The following P2RY2 variants were observed in gnomAD, a reference collection of about 807,000 sequenced individuals.
The protein encoded by P2RY2 is purinergic receptor P2Y2.
For missense variants in P2RY2, 567 were observed against 515.7 expected, an observed-to-expected ratio of 1.10 and a Z score of -0.96; for synonymous variants, 241 against 231.9, an observed-to-expected ratio of 1.04 and a Z score of -0.35.
chr11:73,235,330 G>A lies in P2RY2; in HGVS notation c.*37G>A. The A allele has an allele frequency of 6.6e-7, 1 of 1,517,160 alleles. No individual in the cohort carries two copies. The highest frequency in any genetic ancestry group is 1.3e-5 in the South Asian group (1 of 75,388). 94.0% of individuals were successfully genotyped at this position (1,517,160 alleles called of 1,614,324 possible). ...TTCAGCCTGTGCAGGTTTATATTGG[G>A]AAGCTGTAGAGGACCAGGACTTGTG... On this transcript the variant is annotated 3_prime_UTR_variant, in exon 3 of 3. Transcript: ENST00000393597.
In P2RY2 at chr11:73,236,499, A is replaced by G. The variant is rs996931956; in HGVS notation, c.*1206A>G. ...AGACTCCTGAGCTGTAGCTTCTGAG[A>G]AAAGCAGCTCACCGGAAGAACATCC... On this transcript the variant is annotated 3_prime_UTR_variant, in exon 3 of 3. Coordinates refer to ENST00000393597, the MANE Select transcript of P2RY2 (RefSeq NM_002564.4). 4 of 955,572 alleles carry G rather than the reference A, an allele frequency of 4.2e-6. No individual in the cohort carries two copies. Among genetic ancestry groups the G allele is most frequent in the Non-Finnish European group, 5.0e-6 (4 of 802,540 alleles). The allele number at this position is 955,572 out of a possible 1,614,324, so 59.2% of individuals were successfully genotyped here.
In P2RY2 at chr11:73,238,365, C is replaced by G. The variant is rs1275971576; in HGVS notation, c.*3072C>G. Reference sequence around the variant, plus strand: ...GGCAGGGTCCCTGGCACACAGGGGTCTCTGCCCTGGGTGGCAGGTGTCCCA... The same window carrying G: ...GGCAGGGTCCCTGGCACACAGGGGTGTCTGCCCTGGGTGGCAGGTGTCCCA... On this transcript the variant is annotated 3_prime_UTR_variant, in exon 3 of 3. Coordinates refer to ENST00000393597, the MANE Select transcript of P2RY2 (RefSeq NM_002564.4). Among the ~76,000 whole-genome samples, 1 of 152,212 alleles carries G rather than the reference C, an allele frequency of 6.6e-6. No homozygotes were observed. The highest frequency in any genetic ancestry group is 1.5e-5 in the Non-Finnish European group (1 of 68,028).
chr11:73,220,093 C>T (rs1385077757), intron 1 of P2RY2, among the ~76,000 whole-genome samples: 1 of 152,214 alleles, frequency 6.6e-6, no homozygotes, highest in Admixed American at 6.5e-5. Context: ...GCAGCAGTGG[C>T]GCCCATCCCC....
At chr11:73,218,858 T>C (rs889315391) in intron 1 of P2RY2, among the ~76,000 whole-genome samples, 2 of 152,018 alleles carry the variant, frequency 1.3e-5, no homozygotes, top group African/African-American at 4.8e-5. Context: ...GGAGACCCCC[T>C]ACCACTGTCC....
In P2RY2 at chr11:73,234,267, G is replaced by C. The variant is rs1435174532; in HGVS notation, c.108G>C (p.Leu36=). The C allele has an allele frequency of 6.2e-7, 1 of 1,614,198 alleles. No homozygotes were observed. The highest frequency in any genetic ancestry group is 1.1e-5 in the South Asian group (1 of 91,088). ...RFNEDFKYVL[L]PVSYGVVCVP... ...ACGAGGACTTCAAGTACGTGCTGCT[G>C]CCTGTGTCCTACGGCGTGGTGTGCG... Residue 36 remains leucine, a synonymous_variant, in exon 3 of 3, where the codon CTG becomes CTC. Transcript: ENST00000393597.
At position 73,235,525 on chromosome 11, in the gene P2RY2, GA is replaced by G. The variant is rs1862627582; in HGVS notation, c.*235del. ...ATAAGTTGGGGGAATTAAGTTTCAA[GA>G]AAGGCAAGAGCTCAAGGTCAATGAC... is the stretch of plus-strand genomic sequence containing the variant. On this transcript the variant is annotated 3_prime_UTR_variant, in exon 3 of 3. Transcript: ENST00000393597. 2 of 1,267,754 alleles carry G rather than the reference GA, an allele frequency of 1.6e-6. No homozygotes were observed. Among genetic ancestry groups the G allele is most frequent in the Non-Finnish European group, 2.0e-6 (2 of 1,000,598 alleles). The allele number at this position is 1,267,754 out of a possible 1,614,324, so 78.5% of individuals were successfully genotyped here.
chr11:73,232,223 C>T (rs1268397726), intron 2 of P2RY2, among the ~76,000 whole-genome samples: 1 of 152,110 alleles, frequency 6.6e-6, no homozygotes, highest in Non-Finnish European at 1.5e-5. Context: ...TTGCATACTC[C>T]CATAAACAGG....
At chr11:73,221,318 A>G (rs1862108900) in intron 1 of P2RY2, among the ~76,000 whole-genome samples, 1 of 152,170 alleles carries the variant, frequency 6.6e-6, no homozygotes, top group Non-Finnish European at 1.5e-5. Context: ...AGATCAGGAA[A>G]TAGAGGCATG....
Position 73,238,121 on chromosome 11 carries a change from C to T in P2RY2, c.*2828C>T, listed in dbSNP as rs1862697534. On this transcript the variant is annotated 3_prime_UTR_variant, in exon 3 of 3. Transcript: ENST00000393597. ...AGCCCAAGGTCATTCAGCAGGTCAGCGTGGCGCCTGGATGTAAGCAAGTGC... is the reference window on the plus strand; with the variant it reads ...AGCCCAAGGTCATTCAGCAGGTCAGTGTGGCGCCTGGATGTAAGCAAGTGC... 6.6e-6 allele frequency among the ~76,000 whole-genome samples: 1 copy of T among 152,188 alleles called. No individual in the cohort carries two copies. Among genetic ancestry groups the T allele is most frequent in the Non-Finnish European group, 1.5e-5 (1 of 68,040 alleles).
chr11:73,221,409 G>C (rs1416585665), intron 1 of P2RY2, among the ~76,000 whole-genome samples: 1 of 152,186 alleles, frequency 6.6e-6, no homozygotes, highest in Non-Finnish European at 1.5e-5. Flanking sequence ...CTCCCCATCT[G>C]AGACAGAGCC....
intron 1 of P2RY2, among the ~76,000 whole-genome samples, chr11:73,226,262 A>G (rs974743459): frequency 6.6e-6 from 1 of 152,130 alleles, no homozygotes; most frequent in Non-Finnish European, 1.5e-5. Flanking sequence ...CAGAAATGAG[A>G]ACCACTTGTG....
At chr11:73,233,739 C>T (rs925900564) in intron 2 of P2RY2, among the ~76,000 whole-genome samples, 2 of 152,222 alleles carry the variant, frequency 1.3e-5, no homozygotes, top group Non-Finnish European at 2.9e-5. Flanking sequence ...TCTGCCTTGG[C>T]CTCCTGAGTG....
rs11235688 is a variant in P2RY2, at chr11:73,236,889, G to A, written c.*1596G>A. On this transcript the variant is annotated 3_prime_UTR_variant, in exon 3 of 3. Coordinates refer to ENST00000393597, the MANE Select transcript of P2RY2 (RefSeq NM_002564.4). ...GTGGCGCTCAGCTGGACAGGGCCCC[G>A]CCCTAGCCTTTGGAAAGGGACAGGG... The A allele has an allele frequency of 0.4, 397,294 of 984,822 alleles. 81,507 individuals are homozygous for A. The highest frequency in any genetic ancestry group is 0.48 in the South Asian group (10,309 of 21,272). The allele number at this position is 984,822 out of a possible 1,614,324, so 61.0% of individuals were successfully genotyped here. A position where few individuals can be genotyped will look rare whatever the true frequency, so the allele number is the denominator to read the frequency against.
At chr11:73,220,982 C>G (rs1256690676) in intron 1 of P2RY2, among the ~76,000 whole-genome samples, 1 of 152,100 alleles carries the variant, frequency 6.6e-6, no homozygotes, top group Non-Finnish European at 1.5e-5. Context: ...TCAGTTCTGC[C>G]ATTTGTAAAT....
intron 1 of P2RY2, among the ~76,000 whole-genome samples, chr11:73,222,894 G>T (rs749414214): frequency 1.3e-5 from 2 of 152,154 alleles, no homozygotes; most frequent in Non-Finnish European, 2.9e-5. Flanking sequence ...GCCTGACTGG[G>T]TACTCCTCAA....
chr11:73,219,277 C>G (rs1033020450), intron 1 of P2RY2, among the ~76,000 whole-genome samples: 1 of 152,180 alleles, frequency 6.6e-6, no homozygotes, highest in Non-Finnish European at 1.5e-5. Context: ...GGTGGAGACC[C>G]AGGCAAGTTT....
rs11235689 is a variant in P2RY2, at chr11:73,238,702, C to T, written c.*3409C>T. Among the ~76,000 whole-genome samples, 51,177 of 152,060 alleles carry T rather than the reference C, an allele frequency of 0.34. 9,582 individuals are homozygous for T. Among genetic ancestry groups the T allele is most frequent in the South Asian group, 0.48 (2,296 of 4,824 alleles). ...AGCAGATGAGGAAACAGGAGAAGGG[C>T]GTGAGAAGTGAGGACTTGTTCCAGG... On this transcript the variant is annotated 3_prime_UTR_variant, in exon 3 of 3. Coordinates refer to ENST00000393597, the MANE Select transcript of P2RY2 (RefSeq NM_002564.4).
At chr11:73,223,688 A>G (rs1862189075) in intron 1 of P2RY2, among the ~76,000 whole-genome samples, 1 of 151,998 alleles carries the variant, frequency 6.6e-6, no homozygotes, top group South Asian at 2.1e-4. Context: ...TTGAAGCTGG[A>G]GGCATTTGGC....
rs145036309 is a variant in P2RY2 at position 73,234,614 on chromosome 11, G to C, written c.455G>C (p.Arg152Pro). 7.0e-5 allele frequency: 110 copies of C among 1,565,772 alleles called. No homozygotes were observed. Among genetic ancestry groups the C allele is most frequent in the Non-Finnish European group, 8.8e-5 (102 of 1,155,252 alleles). ...TGGGGCCGGGCCCGCTACGCTCGCCGGGTGGCCGGGGCCGTGTGGGTGTTG... is the reference window on the plus strand; with the variant it reads ...TGGGGCCGGGCCCGCTACGCTCGCCCGGTGGCCGGGGCCGTGTGGGTGTTG... ...LRWGRARYAR[R>P]VAGAVWVLVL... The change falls in exon 3 of 3, where the codon CGG (arginine) becomes CCG (proline). Residue 152 changes from arginine to proline, a missense_variant. Arg to Pro is a moderately radical substitution (Grantham distance 103, BLOSUM62 -2). Transcript: ENST00000393597.
Sources: gnomAD v4.1 joint callset for allele counts (sites outside exome capture counted in the v4.1 genomes callset) on GRCh38, gnomAD v4.1.1 for gene constraint, MANE v1.5 for transcripts, NCBI Gene and HGNC (gene_info 2026-07-23, HGNC 2026-07-21) for gene names.